PCNX2: variants seen among roughly 807,000 people sequenced by gnomAD.
PCNX2 encodes pecanex 2.
A neutral mutation model predicts 223.8 loss-of-function variants in PCNX2; 168 were observed. The ratio of observed to expected loss-of-function variants is 0.75; its 90% CI spans 0.66 to 0.85. PCNX2 has a LOEUF of 0.85. PCNX2 is among the 40% of genes least tolerant of loss of function. PCNX2 has a pLI of 0.00. For synonymous variants in PCNX2, 1,006 were observed against 1,052.6 expected (o/e 0.96, Z 0.86); for missense variants, 2,507 against 2,675.5 (o/e 0.94, Z 1.39).
intron 4 of PCNX2, chr1:233,259,968 A>G (rs1659962692): frequency 2.7e-6 from 1 of 373,978 alleles, no homozygotes; most frequent in Non-Finnish European, 3.7e-6. Flanking sequence ...GATAATTTAA[A>G]GTATACAGGA....
chr1:233,148,953 C>T (rs1571970932), intron 19 of PCNX2, among the ~76,000 whole-genome samples: 1 of 152,338 alleles, frequency 6.6e-6, no homozygotes, highest in South Asian at 2.1e-4. Flanking sequence ...TTCACATACA[C>T]CAACCATGAA....
chr1:233,007,237 G>A (rs1212480812), intron 28 of PCNX2, among the ~76,000 whole-genome samples: 1 of 151,256 alleles, frequency 6.6e-6, no homozygotes, highest in Non-Finnish European at 1.5e-5. Flanking sequence ...GCAACTAAAA[G>A]TGAAACAGAA....
intron 12 of PCNX2, among the ~76,000 whole-genome samples, chr1:233,212,361 A>C (rs1681869126): frequency 6.6e-6 from 1 of 152,254 alleles, no homozygotes; most frequent in Non-Finnish European, 1.5e-5. Flanking sequence ...TACTATTGAG[A>C]TATTAAGGTA....
At chr1:233,264,027 A>T (rs1316976210) in intron 1 of PCNX2, among the ~76,000 whole-genome samples, 1 of 152,164 alleles carries the variant, frequency 6.6e-6, no homozygotes, top group Admixed American at 6.5e-5. Flanking sequence ...CAAAAGGAAG[A>T]GGGATATTTC....
Position 233,094,146 on chromosome 1 carries a change from G to C in PCNX2, c.3946+1609C>G, listed in dbSNP as rs543189889. Among the ~76,000 whole-genome samples the C allele has an allele frequency of 3.3e-5, 5 of 152,324 alleles. No individual in the cohort carries two copies. In the South Asian group the frequency reaches 1.0e-3, roughly 32 times the overall value. On this transcript the variant is annotated intron_variant, in intron 22 of 33. Transcript: ENST00000258229. ...ACACCAACAAGAAATGCTACAGACAGATGCAAGTCCAAAGTTATGACATCA... is the reference window on the plus strand; with the variant it reads ...ACACCAACAAGAAATGCTACAGACACATGCAAGTCCAAAGTTATGACATCA...
chr1:233,238,825 C>G (rs1658579308), intron 8 of PCNX2, among the ~76,000 whole-genome samples: 2 of 152,038 alleles, frequency 1.3e-5, no homozygotes, highest in African/African-American at 4.8e-5. Context: ...GGACGTGAAC[C>G]AGGTAGAGTA....
chr1:233,077,078 T>A (rs976866423), intron 23 of PCNX2, among the ~76,000 whole-genome samples: 3 of 152,170 alleles, frequency 2.0e-5, no homozygotes, highest in African/African-American at 7.2e-5. Flanking sequence ...CAGAGCCACA[T>A]CTATGACTGC....
At chr1:233,199,930 C>T (rs946494898) in intron 14 of PCNX2, among the ~76,000 whole-genome samples, 9 of 152,156 alleles carry the variant, frequency 5.9e-5, no homozygotes, top group Admixed American at 1.3e-4. Context: ...TCTACCCTTC[C>T]TTGTCTCTGT....
At chr1:233,020,589 G>A (rs915714372) in intron 26 of PCNX2, among the ~76,000 whole-genome samples, 1 of 152,232 alleles carries the variant, frequency 6.6e-6, no homozygotes, top group Admixed American at 6.5e-5. Context: ...GGCGGGCCTG[G>A]CAGGCAGGCC....
chr1:233,114,251 G>T (rs1675279569), intron 21 of PCNX2, among the ~76,000 whole-genome samples: 2 of 152,274 alleles, frequency 1.3e-5, no homozygotes, highest in South Asian at 4.1e-4. Flanking sequence ...TGAGATCTGA[G>T]CAAAGGCTCA....
chr1:233,301,032 C>T, the PCNX2 span, among the ~76,000 whole-genome samples: 1 of 152,100 alleles, frequency 6.6e-6, no homozygotes, highest in Non-Finnish European at 1.5e-5. Context: ...AGAAGTCATA[C>T]CTGCTAGAGA....
chr1:233,084,355 G>C (rs1673498697), intron 23 of PCNX2, among the ~76,000 whole-genome samples: 1 of 152,208 alleles, frequency 6.6e-6, no homozygotes, highest in African/African-American at 2.4e-5. Flanking sequence ...CAGTCACACA[G>C]AGTGATTCCT....
chr1:233,205,584 A>G (rs775130282), intron 13 of PCNX2, among the ~76,000 whole-genome samples: 2 of 152,114 alleles, frequency 1.3e-5, no homozygotes, highest in Non-Finnish European at 2.9e-5. Flanking sequence ...AATCCCAGCT[A>G]CTTGGGAGGC....
intron 1 of PCNX2, among the ~76,000 whole-genome samples, chr1:233,282,810 T>C (rs2103021056): frequency 6.6e-6 from 1 of 152,318 alleles, no homozygotes; most frequent in African/African-American, 2.4e-5. Flanking sequence ...TTTTGTGAAC[T>C]CTGTTAATGT....
At chr1:233,318,235 G>A in the PCNX2 span, among the ~76,000 whole-genome samples, 2 of 152,156 alleles carry the variant, frequency 1.3e-5, no homozygotes, top group African/African-American at 4.8e-5. Flanking sequence ...ATAACTAAAA[G>A]TTGGGGGAAA....
intron 1 of PCNX2, among the ~76,000 whole-genome samples, chr1:233,282,642 AT>A (rs1199339083): frequency 6.6e-6 from 1 of 152,134 alleles, no homozygotes; most frequent in East Asian, 1.9e-4. Flanking sequence ...AAATCTATCC[AT>A]GATTCTCCAT....
chr1:233,288,340 A>G (rs1175283804), intron 1 of PCNX2, among the ~76,000 whole-genome samples: 1 of 152,210 alleles, frequency 6.6e-6, no homozygotes, highest in African/African-American at 2.4e-5. Flanking sequence ...CATTCAAAAT[A>G]CAGCCAATCA....
At chr1:233,301,224 TAAAG>T in the PCNX2 span, among the ~76,000 whole-genome samples, 2 of 152,182 alleles carry the variant, frequency 1.3e-5, no homozygotes, top group Non-Finnish European at 2.9e-5. Context: ...ATAGAAAACA[TAAAG>T]AAAACAAGAA....
At chr1:233,205,554 G>A (rs1558341965) in intron 13 of PCNX2, among the ~76,000 whole-genome samples, 2 of 152,046 alleles carry the variant, frequency 1.3e-5, no homozygotes, top group Admixed American at 1.3e-4. Flanking sequence ...AATTAGCTAG[G>A]TATGATGGCA....
Sources: gnomAD v4.1 joint callset for allele counts (sites outside exome capture counted in the v4.1 genomes callset) on GRCh38, gnomAD v4.1.1 for gene constraint, MANE v1.5 for transcripts, NCBI Gene and HGNC (gene_info 2026-07-23, HGNC 2026-07-21) for gene names.